PRKCQ: variants seen among roughly 807,000 people sequenced by gnomAD.
PRKCQ encodes protein kinase C theta type.
PRKCQ carries 41 observed loss-of-function variants against 91.2 expected under a neutral mutation model. That is an observed-to-expected ratio of 0.45 (90% CI 0.35 to 0.58). The LOEUF is 0.58. PRKCQ is among the 20% of genes least tolerant of loss of function. The pLI, the probability that PRKCQ is intolerant of heterozygous loss-of-function variation, is 0.00. For synonymous variants in PRKCQ, 307 were observed against 316.9 expected, an observed-to-expected ratio of 0.97 and a Z score of 0.33; for missense variants, 673 against 896.5, an observed-to-expected ratio of 0.75 and a Z score of 3.18.
intron 15 of PRKCQ, among the ~76,000 whole-genome samples, chr10:6,456,319 C>T (rs936122249): frequency 6.6e-6 from 1 of 152,154 alleles, no homozygotes; most frequent in Non-Finnish European, 1.5e-5. Flanking sequence ...AAACTCAGTC[C>T]AGGTCTTCTG....
the PRKCQ span, among the ~76,000 whole-genome samples, chr10:6,406,082 A>G: frequency 5.3e-5 from 8 of 152,186 alleles, no homozygotes; most frequent in African/African-American, 1.9e-4. Flanking sequence ...ACCAACATGG[A>G]GAAAGAGCAT....
Position 6,479,076 on chromosome 10 carries a change from C to G in PRKCQ, c.1269G>C (p.Glu423Asp), listed in dbSNP as rs776935962. The change falls in exon 12 of 18, where the codon GAG becomes GAC. Residue 423 changes from glutamate to aspartate, a missense_variant. Physicochemically the swap from Glu to Asp is conservative, Grantham distance 45 (BLOSUM62 2). Transcript: ENST00000263125. Reference protein sequence around the residue: ...KDVVLMDDDVECTMVEKRVLS... With the variant: ...KDVVLMDDDVDCTMVEKRVLS... ...GAACTCTCTTCTCTACCATCGTGCA[C>G]TCAACATCATCGTCCATCAAGACCA... 3.4e-5 allele frequency: 55 copies of G among 1,614,082 alleles called. No homozygotes were observed. The highest frequency in any genetic ancestry group is 1.4e-4 in the South Asian group (13 of 91,086).
chr10:6,443,075 T>C (rs959737825), intron 15 of PRKCQ, among the ~76,000 whole-genome samples: 17 of 152,154 alleles, frequency 1.1e-4, no homozygotes, highest in Non-Finnish European at 7.4e-5. Flanking sequence ...GGATTTAAAG[T>C]CTGGAAGCCT....
intron 15 of PRKCQ, among the ~76,000 whole-genome samples, chr10:6,452,521 C>T (rs1400323646): frequency 6.6e-6 from 1 of 151,198 alleles, no homozygotes. Context: ...AGATTCAATG[C>T]CATCCCCATC....
chr10:6,460,673 G>A (rs191129059), intron 14 of PRKCQ, among the ~76,000 whole-genome samples: 2 of 152,178 alleles, frequency 1.3e-5, no homozygotes, highest in African/African-American at 4.8e-5. Context: ...TGTATTTTTA[G>A]TAGAGACAGG....
chr10:6,559,954 T>C (rs72783721), intron 1 of PRKCQ, among the ~76,000 whole-genome samples: 11,405 of 152,298 alleles, frequency 0.075, 632 homozygotes, highest in Non-Finnish European at 0.12. Flanking sequence ...CTTTACCTTA[T>C]TTGTGTGTTA....
rs1345554198 is a variant in PRKCQ at position 6,553,516 on chromosome 10, AACAAAC to A, written c.-10+26689_-10+26694del. 9.1e-4 allele frequency among the ~76,000 whole-genome samples: 134 copies of A among 147,402 alleles called. 3 individuals are homozygous for A. Among genetic ancestry groups the A allele is most frequent in the African/African-American group, 3.4e-3 (128 of 37,466 alleles). ...AAAAAAAAAAAAAAAAAAAAAAAAA[AACAAAC>A]AAACAAAAGAAGAAGAAGAAGAAAG... On this transcript the variant is annotated intron_variant, in intron 1 of 17. Transcript: ENST00000263125.
chr10:6,462,567 C>T (rs1835411731), intron 13 of PRKCQ, among the ~76,000 whole-genome samples: 1 of 152,144 alleles, frequency 6.6e-6, no homozygotes, highest in South Asian at 2.1e-4. Context: ...CAGCCTCAGT[C>T]CTAACAGCAT....
At chr10:6,507,916 T>C (rs1483463607) in intron 3 of PRKCQ, among the ~76,000 whole-genome samples, 1 of 152,132 alleles carries the variant, frequency 6.6e-6, no homozygotes, top group Non-Finnish European at 1.5e-5. Context: ...TCCTGCCTCT[T>C]TGAGGCCGCC....
intron 17 of PRKCQ, 116 bp from the exon 18 acceptor site, chr10:6,428,478 A>G (rs1833240195): frequency 1.7e-6 from 2 of 1,185,850 alleles, no homozygotes; most frequent in South Asian, 2.9e-5. Context: ...GTGTTTGCAG[A>G]GACACTAAAT....
At chr10:6,413,320 C>G in the PRKCQ span, among the ~76,000 whole-genome samples, 1 of 146,926 alleles carries the variant, frequency 6.8e-6, no homozygotes, top group East Asian at 1.9e-4. Flanking sequence ...ACAGCAAAAA[C>G]AAATGAAATA....
chr10:6,464,509 G>A, intron 12 of PRKCQ, 105 bp from the exon 13 acceptor site: 2 of 948,094 alleles, frequency 2.1e-6, no homozygotes, highest in East Asian at 2.5e-5. Flanking sequence ...GAGTGCAGTG[G>A]CGTGATCTCG....
At position 6,491,619 on chromosome 10, in the gene PRKCQ, GAAAGCCT is replaced by G. The variant is rs1400399143; in HGVS notation, c.790+57_790+63del. On this transcript the variant is annotated intron_variant, in intron 8 of 17. Coordinates refer to ENST00000263125, the MANE Select transcript of PRKCQ (RefSeq NM_006257.5). ...CCTACATCCTCCCTCCAGTTCCCCAGAAAGCCTTGCTCCATCCCCTAGGGGGTCCACG... is the reference window on the plus strand; with the variant it reads ...CCTACATCCTCCCTCCAGTTCCCCAGTGCTCCATCCCCTAGGGGGTCCACG... The G allele has an allele frequency of 2.5e-6, 4 of 1,586,234 alleles. No individual in the cohort carries two copies. In the African/African-American group the frequency reaches 4.1e-5, roughly 16 times the overall value.
chr10:6,478,456 C>T (rs927388220), intron 12 of PRKCQ, among the ~76,000 whole-genome samples: 1 of 152,164 alleles, frequency 6.6e-6, no homozygotes, highest in East Asian at 1.9e-4. Context: ...CAGAACGGCA[C>T]AGCCTTCTGG....
chr10:6,556,956 T>A (rs1333767274), intron 1 of PRKCQ, among the ~76,000 whole-genome samples: 2 of 152,192 alleles, frequency 1.3e-5, no homozygotes, highest in Non-Finnish European at 2.9e-5. Context: ...AGTCTCCATC[T>A]AGTTCTTCCC....
intron 1 of PRKCQ, among the ~76,000 whole-genome samples, chr10:6,572,860 A>G (rs1245122560): frequency 1.3e-5 from 2 of 152,172 alleles, no homozygotes; most frequent in Non-Finnish European, 2.9e-5. Context: ...CAAGAGTGTA[A>G]AAGCGTTCCT....
the PRKCQ span, among the ~76,000 whole-genome samples, chr10:6,409,250 G>A: frequency 4.6e-5 from 7 of 152,152 alleles, no homozygotes; most frequent in East Asian, 7.7e-4. Context: ...GGTGTTCCCC[G>A]CAGCCAGAAG....
intron 12 of PRKCQ, among the ~76,000 whole-genome samples, chr10:6,470,939 A>AG (rs1835926291): frequency 6.6e-6 from 1 of 152,042 alleles, no homozygotes; most frequent in Non-Finnish European, 1.5e-5. Context: ...AAAAAAAAAA[A>AG]AATCAAGGCA....
chr10:6,455,647 C>T (rs931965227), intron 15 of PRKCQ, among the ~76,000 whole-genome samples: 1 of 152,208 alleles, frequency 6.6e-6, no homozygotes, highest in African/African-American at 2.4e-5. Flanking sequence ...CCAACACCTG[C>T]ACTAGGTCCT....
Sources: allele counts gnomAD v4.1 joint callset (sites outside exome capture counted in the v4.1 genomes callset), GRCh38; gene constraint gnomAD v4.1.1; transcripts MANE v1.5; gene names NCBI Gene and HGNC (gene_info 2026-07-23, HGNC 2026-07-21).